MLLT1: variants seen among roughly 807,000 people sequenced by gnomAD.
MLLT1 encodes the protein protein ENL.
A neutral mutation model predicts 55.1 loss-of-function variants in MLLT1; 11 were observed. The ratio of observed to expected loss-of-function variants is 0.20; its 90% confidence interval spans 0.13 to 0.33. The LOEUF (loss-of-function observed/expected upper bound fraction) is 0.33. Ranked by LOEUF, MLLT1 falls within the 10% of genes least tolerant of loss-of-function variation. The probability of loss-of-function intolerance (pLI) is 1.00; values close to 1 mark genes in which losing one functional copy is unlikely to be tolerated. For missense variants in MLLT1, 536 were observed against 760.6 expected (o/e 0.70, Z 3.47); for synonymous variants, 323 against 320.1 (o/e 1.01, Z -0.10).
chr19:6,266,158 T>C (rs940412013), intron 2 of MLLT1, among the ~76,000 whole-genome samples: 3 of 151,366 alleles, frequency 2.0e-5, no homozygotes, highest in Non-Finnish European at 4.4e-5. Flanking sequence ...GGGCCAGTAG[T>C]CTCAGCTACT....
In MLLT1 at chr19:6,217,139, C is replaced by T. The variant is rs149710202; in HGVS notation, c.1199-626G>A. On this transcript the variant is annotated intron_variant, in intron 7 of 11. Coordinates refer to ENST00000252674, the MANE Select transcript of MLLT1 (RefSeq NM_005934.4). ...GCTTCAGTAGGTCCCCCTCCCTTCCCGGCAGATAAGAACACTTGGAGCGAG... is the reference window on the plus strand; with the variant it reads ...GCTTCAGTAGGTCCCCCTCCCTTCCTGGCAGATAAGAACACTTGGAGCGAG... 7.0e-3 allele frequency among the ~76,000 whole-genome samples: 1,059 copies of T among 152,252 alleles called. 8 individuals carry two copies. The highest frequency in any genetic ancestry group is 0.024 in the African/African-American group (985 of 41,514).
In MLLT1 at chr19:6,227,195, G is replaced by A. The variant is rs1384478126; in HGVS notation, c.421-93C>T. The A allele has an allele frequency of 1.5e-6, 2 of 1,349,896 alleles. No homozygotes were observed. Among genetic ancestry groups the A allele is most frequent in the Non-Finnish European group, 2.0e-6 (2 of 994,414 alleles). The allele number at this position is 1,349,896 out of a possible 1,614,324, so 83.6% of individuals were successfully genotyped here. The stretch of plus-strand genomic sequence containing the variant: ...AAGGTGGTGGGGCTTCCCTCTGCAG[G>A]AGGGGAGAAGGGAGAGCCTGAGCGC... On this transcript the variant is annotated intron_variant, in intron 4 of 11. Transcript: ENST00000252674. The surrounding 1 kb of genome is among the most constrained non-coding windows in gnomAD (Gnocchi z 5.1).
intron 3 of MLLT1, among the ~76,000 whole-genome samples, chr19:6,243,476 G>T (rs1340951717): frequency 6.6e-6 from 1 of 152,338 alleles, no homozygotes; most frequent in Non-Finnish European, 1.5e-5. Flanking sequence ...GAACATCATG[G>T]GACAGGCGTG....
intron 2 of MLLT1, among the ~76,000 whole-genome samples, chr19:6,268,241 A>G (rs2091365195): frequency 6.6e-6 from 1 of 152,244 alleles, no homozygotes; most frequent in South Asian, 2.1e-4. Context: ...TCACATCATC[A>G]TTCAAAGTCA....
At chr19:6,251,970 A>G (rs1367202033) in intron 3 of MLLT1, among the ~76,000 whole-genome samples, 1 of 152,038 alleles carries the variant, frequency 6.6e-6, no homozygotes, top group Non-Finnish European at 1.5e-5. Context: ...AAAAAGAAAA[A>G]AAGAACCTAG....
chr19:6,218,107 A>C, intron 6 of MLLT1, 66 bp from the exon 7 acceptor site: 1 of 1,530,922 alleles, frequency 6.5e-7, no homozygotes, highest in East Asian at 2.5e-5. Context: ...CAGCAGAGAC[A>C]AAGGGGGCCC....
chr19:6,250,394 T>C (rs2091203024), intron 3 of MLLT1, among the ~76,000 whole-genome samples: 1 of 152,214 alleles, frequency 6.6e-6, no homozygotes, highest in African/African-American at 2.4e-5. Context: ...AATTACCATA[T>C]GACCCAGCAA....
intron 3 of MLLT1, among the ~76,000 whole-genome samples, chr19:6,260,917 C>A (rs1285076826): frequency 6.6e-6 from 1 of 152,246 alleles, no homozygotes; most frequent in Non-Finnish European, 1.5e-5. Context: ...ATCTAAGTCA[C>A]CCCAGAGGCG....
At chr19:6,264,964 C>T (rs926428726) in intron 2 of MLLT1, among the ~76,000 whole-genome samples, 8 of 124,848 alleles carry the variant, frequency 6.4e-5, no homozygotes, top group African/African-American at 2.4e-4. Context: ...TGGAAGGAAA[C>T]TGTCAAATAA....
chr19:6,214,246 A>T (rs967800866), intron 8 of MLLT1, among the ~76,000 whole-genome samples: 1 of 152,184 alleles, frequency 6.6e-6, no homozygotes, highest in Non-Finnish European at 1.5e-5. Flanking sequence ...CAGGCCACCC[A>T]GAGGCCCTTT....
At chr19:6,243,860 G>A (rs560378803) in intron 3 of MLLT1, among the ~76,000 whole-genome samples, 2 of 152,008 alleles carry the variant, frequency 1.3e-5, no homozygotes, top group Admixed American at 6.5e-5. Context: ...TGGCTAACAC[G>A]GTGAAACCCC....
chr19:6,212,533 G>C lies in MLLT1; in HGVS notation c.*509C>G. On this transcript the variant is annotated 3_prime_UTR_variant, in exon 12 of 12. Coordinates refer to ENST00000252674, the MANE Select transcript of MLLT1 (RefSeq NM_005934.4). ...CAGCACAGACCCCAGCGCAGCGCGA[G>C]CCGGGGAGGAGCCGGCGCTAGGTCT... 9.3e-7 allele frequency: 1 copy of C among 1,080,108 alleles called. No individual in the cohort carries two copies. 66.9% of individuals were successfully genotyped at this position (1,080,108 alleles called of 1,614,324 possible). A position where few individuals can be genotyped will look rare whatever the true frequency, so the allele number is the denominator to read the frequency against.
At chr19:6,257,383 A>G (rs1170614970) in intron 3 of MLLT1, among the ~76,000 whole-genome samples, 1 of 144,666 alleles carries the variant, frequency 6.9e-6, no homozygotes, top group Non-Finnish European at 1.5e-5. Flanking sequence ...AAAAGCAGAC[A>G]TTATGAAGAA....
intron 1 of MLLT1, among the ~76,000 whole-genome samples, chr19:6,276,530 C>T (rs567325652): frequency 6.6e-5 from 10 of 152,262 alleles, no homozygotes; most frequent in South Asian, 2.1e-4. Flanking sequence ...TTTTGAAGAA[C>T]GTGACCGCCC....
chr19:6,249,200 G>A (rs2091194567), intron 3 of MLLT1, among the ~76,000 whole-genome samples: 1 of 152,148 alleles, frequency 6.6e-6, no homozygotes, highest in South Asian at 2.1e-4. Flanking sequence ...TTGATTACAT[G>A]TTGAAATAAT....
chr19:6,234,224 C>T (rs889779163), intron 3 of MLLT1, among the ~76,000 whole-genome samples: 1 of 152,242 alleles, frequency 6.6e-6, no homozygotes, highest in Non-Finnish European at 1.5e-5. Context: ...CGCGGGACCC[C>T]CGGGCTCCAG....
chr19:6,235,249 C>T lies in MLLT1; in HGVS notation c.277-4536G>A, dbSNP rs112595374. The stretch of plus-strand genomic sequence containing the variant: ...AACTTCTGAGTGGACGCTGGCAGCA[C>T]GGCTGTGCAGAGGATGAACGTGGCT... On this transcript the variant is annotated intron_variant, in intron 3 of 11. Transcript: ENST00000252674. The surrounding 1 kb of genome is among the most constrained non-coding windows in gnomAD (Gnocchi z 5.5). Among the ~76,000 whole-genome samples the T allele has an allele frequency of 2.8e-3, 420 of 152,306 alleles. 1 individual carries two copies. The highest frequency in any genetic ancestry group is 9.5e-3 in the African/African-American group (394 of 41,570).
chr19:6,268,037 TGAA>T (rs765070145), intron 2 of MLLT1, among the ~76,000 whole-genome samples: 23 of 152,026 alleles, frequency 1.5e-4, no homozygotes, highest in Non-Finnish European at 3.1e-4. Context: ...ATGGACAAGA[TGAA>T]GAAGTCATAT....
intron 1 of MLLT1, among the ~76,000 whole-genome samples, chr19:6,271,262 G>C (rs1018008566): frequency 1.3e-5 from 2 of 152,370 alleles, no homozygotes; most frequent in Non-Finnish European, 2.9e-5. Context: ...TCTTGCTGAT[G>C]GCTGTCGGTG....
Sources: allele counts gnomAD v4.1 joint callset (sites outside exome capture counted in the v4.1 genomes callset), GRCh38; gene constraint gnomAD v4.1.1; non-coding constraint Gnocchi (gnomAD v3.1); transcripts MANE v1.5; gene names NCBI Gene and HGNC (gene_info 2026-07-23, HGNC 2026-07-21).